The following MAP3K5 variants were observed in gnomAD, a reference collection of about 807,000 sequenced individuals.
MAP3K5 encodes ASK-1.
MAP3K5 carries 56 observed loss-of-function variants against 158.7 expected under a neutral mutation model. The ratio of observed to expected loss-of-function variants is 0.35; its 90% CI spans 0.28 to 0.44. The LOEUF (loss-of-function observed/expected upper bound fraction) is 0.44. Ranked by LOEUF, MAP3K5 falls within the 20% of genes least tolerant of loss-of-function variation. The probability of loss-of-function intolerance (pLI) is 1.00; values close to 1 mark genes in which losing one functional copy is unlikely to be tolerated. For missense variants in MAP3K5, 1,294 were observed against 1,674.8 expected, an observed-to-expected ratio of 0.77 and a Z score of 3.97; for synonymous variants, 579 against 601.7, an observed-to-expected ratio of 0.96 and a Z score of 0.55.
intron 1 of MAP3K5, among the ~76,000 whole-genome samples, chr6:136,737,364 T>G (rs1782522257): frequency 6.6e-6 from 1 of 151,808 alleles, no homozygotes; most frequent in South Asian, 2.1e-4. Context: ...GTAACAAACC[T>G]GCACATGTAT....
At chr6:136,633,738 TTAGTTTCACATTTG>T (rs1424558554) in intron 14 of MAP3K5, among the ~76,000 whole-genome samples, 20 of 152,238 alleles carry the variant, frequency 1.3e-4, no homozygotes, top group Non-Finnish European at 2.6e-4. Flanking sequence ...ATTCTAGGAA[TTAGTTTCACATTTG>T]TAGTTTATAG....
At chr6:136,586,095 G>GA (rs1775128702) in intron 23 of MAP3K5, among the ~76,000 whole-genome samples, 1 of 152,154 alleles carries the variant, frequency 6.6e-6, no homozygotes, top group Non-Finnish European at 1.5e-5. Flanking sequence ...AGATTATATT[G>GA]AAAAGCTTGA....
At chr6:136,707,568 G>A (rs1259401596) in intron 2 of MAP3K5, among the ~76,000 whole-genome samples, 1 of 151,750 alleles carries the variant, frequency 6.6e-6, no homozygotes, top group African/African-American at 2.4e-5. Flanking sequence ...GGGGGGGGGG[G>A]GAACCCCTTG....
intron 23 of MAP3K5, 62 bp downstream of exon 23, chr6:136,592,111 C>T (rs1046571053): frequency 1.8e-5 from 26 of 1,423,292 alleles, no homozygotes; most frequent in African/African-American, 1.1e-4. Flanking sequence ...CAGCTGCAGG[C>T]GGTTAGGACA....
intron 13 of MAP3K5, among the ~76,000 whole-genome samples, chr6:136,638,246 G>A (rs1340759004): frequency 6.6e-6 from 1 of 152,180 alleles, no homozygotes; most frequent in African/African-American, 2.4e-5. Flanking sequence ...TTACAGACAT[G>A]ATTTAAGATC....
chr6:136,695,912 T>C (rs1780583591), intron 6 of MAP3K5, 39 bp downstream of exon 6: 2 of 1,209,828 alleles, frequency 1.7e-6, no homozygotes, highest in African/African-American at 3.0e-5. Context: ...TACACAATAA[T>C]ATGTTAACGC....
rs780487823 is a variant in MAP3K5, at chr6:136,629,876, C to T, written c.2017-6895G>A. ...AAGCGATTCTCCTGCTTTAGCCTCC[C>T]GAGTAGCTGGGATTACAGGCGCTTG... On this transcript the variant is annotated intron_variant, in intron 14 of 29. Transcript: ENST00000359015. 6.6e-5 allele frequency among the ~76,000 whole-genome samples: 10 copies of T among 152,110 alleles called. 1 individual carries two copies. Among genetic ancestry groups the T allele is most frequent in the Non-Finnish European group, 1.3e-4 (9 of 67,994 alleles).
At chr6:136,741,508 C>CAA (rs200044025) in intron 1 of MAP3K5, among the ~76,000 whole-genome samples, 11 of 125,060 alleles carry the variant, frequency 8.8e-5, no homozygotes, top group Admixed American at 1.6e-4. Flanking sequence ...CAAATACCTA[C>CAA]AAAAAAAAAA....
chr6:136,614,066 A>G (rs1050208893), intron 16 of MAP3K5, 93 bp downstream of exon 16: 3 of 1,416,208 alleles, frequency 2.1e-6, no homozygotes, highest in African/African-American at 1.4e-5. Flanking sequence ...GTTTAGACAG[A>G]TTAAGACCTG....
At chr6:136,642,112 T>C (rs1778005565) in intron 12 of MAP3K5, among the ~76,000 whole-genome samples, 1 of 151,174 alleles carries the variant, frequency 6.6e-6, no homozygotes, top group South Asian at 2.1e-4. Flanking sequence ...CAGGACACAG[T>C]GTAGTAGACG....
At chr6:136,638,240 A>G (rs1777744212) in intron 13 of MAP3K5, among the ~76,000 whole-genome samples, 1 of 152,234 alleles carries the variant, frequency 6.6e-6, no homozygotes, top group Non-Finnish European at 1.5e-5. Context: ...CTGGTGTTAC[A>G]GACATGATTT....
At chr6:136,754,443 G>A (rs1783375588) in intron 1 of MAP3K5, among the ~76,000 whole-genome samples, 1 of 151,954 alleles carries the variant, frequency 6.6e-6, no homozygotes, top group Non-Finnish European at 1.5e-5. Context: ...GCCAGATGTG[G>A]TGGCACATGT....
intron 25 of MAP3K5, among the ~76,000 whole-genome samples, chr6:136,574,225 T>C (rs1308940074): frequency 6.6e-6 from 1 of 152,106 alleles, no homozygotes; most frequent in Non-Finnish European, 1.5e-5. Context: ...GCCACCACGC[T>C]TGGCCTAGAC....
intron 17 of MAP3K5, among the ~76,000 whole-genome samples, chr6:136,611,845 A>G (rs1274485479): frequency 6.6e-6 from 1 of 152,266 alleles, no homozygotes; most frequent in Non-Finnish European, 1.5e-5. Flanking sequence ...AGATGTAGGC[A>G]CAGTCAAATG....
intron 1 of MAP3K5, among the ~76,000 whole-genome samples, chr6:136,786,100 G>A (rs900488842): frequency 4.6e-5 from 7 of 152,130 alleles, no homozygotes; most frequent in African/African-American, 1.2e-4. Context: ...AGGGCTGGGC[G>A]CGGTGGCTCA....
intron 1 of MAP3K5, among the ~76,000 whole-genome samples, chr6:136,762,222 G>A (rs1267146158): frequency 7.1e-6 from 1 of 140,552 alleles, no homozygotes; most frequent in Admixed American, 6.8e-5. Flanking sequence ...GGAAGAAAGA[G>A]AAGAGAAGAG....
At chr6:136,574,132 TGTTGGCCAGG>T (rs1184172626) in intron 25 of MAP3K5, among the ~76,000 whole-genome samples, 3 of 152,156 alleles carry the variant, frequency 2.0e-5, no homozygotes, top group Non-Finnish European at 4.4e-5. Flanking sequence ...GGTTTCACCA[TGTTGGCCAGG>T]CTGGTCTCAA....
intron 22 of MAP3K5, 33 bp downstream of exon 22, chr6:136,592,404 A>C (rs2129081187): frequency 6.2e-7 from 1 of 1,609,360 alleles, no homozygotes; most frequent in African/African-American, 1.3e-5. Context: ...TTAACAACAC[A>C]CTTCTCTCAC....
chr6:136,749,699 T>C (rs887580834), intron 1 of MAP3K5, among the ~76,000 whole-genome samples: 5 of 152,064 alleles, frequency 3.3e-5, no homozygotes, highest in Non-Finnish European at 7.4e-5. Context: ...TCTTGTCCAA[T>C]AGAATGTGAA....
Sources: gnomAD v4.1 joint callset for allele counts (sites outside exome capture counted in the v4.1 genomes callset) on GRCh38, gnomAD v4.1.1 for gene constraint, MANE v1.5 for transcripts, NCBI Gene and HGNC (gene_info 2026-07-23, HGNC 2026-07-21) for gene names.